MGST1: variants seen among roughly 807,000 people sequenced by gnomAD.
The protein encoded by MGST1 is microsomal glutathione S-transferase 1.
Under a neutral mutation model 8.9 loss-of-function variants are expected in MGST1, and 5 were observed. The observed-to-expected ratio is 0.56, with a 90% confidence interval of 0.29 to 1.19. The LOEUF is 1.19. MGST1 is among the 50% of genes most tolerant of loss of function. The probability of loss-of-function intolerance (pLI) is 0.08; values close to 1 mark genes in which losing one functional copy is unlikely to be tolerated. For missense variants in MGST1, 182 were observed against 187.4 expected, an observed-to-expected ratio of 0.97 and a Z score of 0.17; for synonymous variants, 54 against 67.8, an observed-to-expected ratio of 0.80 and a Z score of 1.00.
At chr12:16,521,988 G>A (rs1021368236) in intron 4 of MGST1, among the ~76,000 whole-genome samples, 3 of 152,086 alleles carry the variant, frequency 2.0e-5, no homozygotes, top group Admixed American at 6.6e-5. Flanking sequence ...GTGGCCACAC[G>A]GTGCAGCTCC....
rs2136988280 is a variant in MGST1, at chr12:16,361,865, G to T, written c.222-1930G>T. 6.6e-6 allele frequency among the ~76,000 whole-genome samples: 1 copy of T among 152,258 alleles called. No individual in the cohort carries two copies. The highest frequency in any genetic ancestry group is 2.1e-4 in the South Asian group (1 of 4,824). ...AGAGAAAATGAGGCTAGAAAAACAT[G>T]CAGGAGCTAGAAAGGTAAAGGAACC... On this transcript the variant is annotated intron_variant, in intron 3 of 3. Coordinates refer to ENST00000396210, the MANE Select transcript of MGST1 (RefSeq NM_020300.5). This position sits in a 1 kb window ranked among gnomAD's most constrained non-coding sequence, Gnocchi z 4.2.
At chr12:16,454,718 A>G (rs2137116882) in intron 4 of MGST1, among the ~76,000 whole-genome samples, 1 of 152,006 alleles carries the variant, frequency 6.6e-6, no homozygotes, top group Non-Finnish European at 1.5e-5. Context: ...GAATCATTTT[A>G]GGCATAATAT....
chr12:16,462,348 TATA>T (rs778816826), intron 4 of MGST1, among the ~76,000 whole-genome samples: 54 of 152,158 alleles, frequency 3.5e-4, no homozygotes, highest in Non-Finnish European at 5.7e-4. Flanking sequence ...TTCATAAGGT[TATA>T]ATAAGTCCAT....
downstream of MGST1, among the ~76,000 whole-genome samples, chr12:16,439,794 C>T (rs1051371422): frequency 1.3e-5 from 2 of 151,792 alleles, no homozygotes; most frequent in Non-Finnish European, 2.9e-5. Context: ...ATTAAATCAA[C>T]AATTAGAAAC....
chr12:16,578,976 T>C (rs1420739478), intron 4 of MGST1, among the ~76,000 whole-genome samples: 2 of 152,222 alleles, frequency 1.3e-5, no homozygotes, highest in Non-Finnish European at 2.9e-5. Flanking sequence ...ATGAAGTATA[T>C]TGCATTGTTA....
chr12:16,543,360 A>T (rs975243341), intron 4 of MGST1, among the ~76,000 whole-genome samples: 5 of 152,128 alleles, frequency 3.3e-5, no homozygotes, highest in Non-Finnish European at 5.9e-5. Context: ...TACGGCCTGA[A>T]TCCTCAATTT....
At chr12:16,366,851 A>G (rs114661121), downstream of MGST1, among the ~76,000 whole-genome samples, 941 of 152,246 alleles carry the variant, frequency 6.2e-3, 12 homozygotes, top group African/African-American at 0.021. This position sits in a 1 kb window ranked among gnomAD's most constrained non-coding sequence, Gnocchi z 4.0. Context: ...ATTTATCTGT[A>G]TCTATTATAG....
At chr12:16,429,202 T>C (rs1489791193) in intron 1 of MGST1, among the ~76,000 whole-genome samples, 1 of 152,158 alleles carries the variant, frequency 6.6e-6, no homozygotes, top group Non-Finnish European at 1.5e-5. Context: ...AATCTTTTAG[T>C]TCTGTATATA....
chr12:16,493,803 A>G (rs980327827), intron 4 of MGST1, among the ~76,000 whole-genome samples: 2 of 152,176 alleles, frequency 1.3e-5, no homozygotes, highest in Non-Finnish European at 2.9e-5. Flanking sequence ...TCAAATTATT[A>G]GAATTTTAAA....
At chr12:16,392,802 A>G (rs2137053784) in intron 1 of MGST1, among the ~76,000 whole-genome samples, 1 of 150,722 alleles carries the variant, frequency 6.6e-6, no homozygotes, top group South Asian at 2.1e-4. Context: ...ATATCTGTAT[A>G]CATATGATAG....
chr12:16,387,194 A>G (rs145225549), intron 1 of MGST1, among the ~76,000 whole-genome samples: 1 of 152,308 alleles, frequency 6.6e-6, no homozygotes, highest in East Asian at 1.9e-4. Flanking sequence ...ACATGTATAA[A>G]TGGGAAAAAA....
At chr12:16,399,771 T>A (rs1940637716) in intron 1 of MGST1, 6 of 1,179,516 alleles carry the variant, frequency 5.1e-6, no homozygotes, top group Non-Finnish European at 7.7e-6. Flanking sequence ...GTTGCAGGAA[T>A]TCAACCATTC....
chr12:16,387,043 G>A (rs1448334721), intron 1 of MGST1, among the ~76,000 whole-genome samples: 1 of 152,048 alleles, frequency 6.6e-6, no homozygotes, highest in Non-Finnish European at 1.5e-5. Context: ...TATTATAATT[G>A]TTCTATTTTA....
chr12:16,408,017 C>A, intron 1 of MGST1, among the ~76,000 whole-genome samples: 1 of 100,080 alleles, frequency 1.0e-5, no homozygotes, highest in Non-Finnish European at 1.8e-5. Context: ...GGCAACAGAG[C>A]AAGACTCTGT....
intron 1 of MGST1, among the ~76,000 whole-genome samples, chr12:16,436,958 G>C (rs745348380): frequency 2.0e-5 from 3 of 151,932 alleles, no homozygotes; most frequent in Non-Finnish European, 4.4e-5. Flanking sequence ...GGAGAAAATT[G>C]TGTAATTCTG....
intron 4 of MGST1, among the ~76,000 whole-genome samples, chr12:16,518,855 T>C (rs1328258337): frequency 6.6e-6 from 1 of 152,224 alleles, no homozygotes; most frequent in Non-Finnish European, 1.5e-5. Flanking sequence ...TTAAAGAAGA[T>C]GTATTTCCTA....
intron 4 of MGST1, among the ~76,000 whole-genome samples, chr12:16,520,058 T>G (rs1941638903): frequency 6.6e-6 from 1 of 152,138 alleles, no homozygotes; most frequent in African/African-American, 2.4e-5. Context: ...TTAGGACCAG[T>G]TGTGGCTGGG....
At chr12:16,358,018 T>C (rs906880070) in intron 3 of MGST1, among the ~76,000 whole-genome samples, 3 of 152,234 alleles carry the variant, frequency 2.0e-5, no homozygotes, top group African/African-American at 7.2e-5. Flanking sequence ...TCTTTGTCCA[T>C]AGGTGAGACT....
At position 16,582,904 on chromosome 12, in the gene MGST1, G is replaced by A. The variant is rs186767507; in HGVS notation, n.483-6624G>A. On this transcript the variant is annotated intron_variant and non_coding_transcript_variant, in intron 4 of 4. Transcript: ENST00000538857. This position sits in a 1 kb window ranked among gnomAD's most constrained non-coding sequence, Gnocchi z 4.1. ...CTCTACTAAAATAAAAAAATTAGCC[G>A]GGAGTGGTGGCATGCACCTGTAATC... Among the ~76,000 whole-genome samples the A allele has an allele frequency of 9.9e-5, 15 of 152,064 alleles. No homozygotes were observed. The highest frequency in any genetic ancestry group is 2.1e-4 in the South Asian group (1 of 4,812).
Sources: allele counts gnomAD v4.1 joint callset (sites outside exome capture counted in the v4.1 genomes callset), GRCh38; gene constraint gnomAD v4.1.1; non-coding constraint Gnocchi (gnomAD v3.1); transcripts MANE v1.5; gene names NCBI Gene and HGNC (gene_info 2026-07-23, HGNC 2026-07-21).